Variants in MYH9 observed in about 807,000 individuals in gnomAD.
MYH9 encodes myosin heavy chain 9.
MYH9 carries 29 observed loss-of-function variants against 241.9 expected under a neutral mutation model. That is an observed-to-expected ratio of 0.12 (90% CI 0.09 to 0.16). The LOEUF (loss-of-function observed/expected upper bound fraction) is 0.16. Among genes scored for constraint, MYH9 ranks in the 10% least tolerant of loss-of-function variants. The pLI is 1.00. For synonymous variants in MYH9, 1,047 were observed against 1,062.6 expected (o/e 0.99, Z 0.29); for missense variants, 1,803 against 2,595.5 (o/e 0.69, Z 6.63).
intron 1 of MYH9, among the ~76,000 whole-genome samples, chr22:36,381,756 A>C (rs2146428161): frequency 6.6e-6 from 1 of 152,104 alleles, no homozygotes; most frequent in Admixed American, 6.5e-5. Context: ...ATATGGATTG[A>C]CCTCATTTTT....
In MYH9 at chr22:36,320,711, A is replaced by C; in HGVS notation, c.868+87T>G. On this transcript the variant is annotated intron_variant, in intron 8 of 40. Transcript: ENST00000216181. This position sits in a 1 kb window ranked among gnomAD's most constrained non-coding sequence, Gnocchi z 4.8. ...GTTAAACCCAAGGCCAAAAGTTTTC[A>C]TTTCCCAAATGATGTCTACGGTCCA... The C allele has an allele frequency of 8.2e-7, 1 of 1,215,034 alleles. No homozygotes were observed. The highest frequency in any genetic ancestry group is 1.3e-5 in the South Asian group (1 of 79,422). 75.3% of individuals were successfully genotyped at this position (1,215,034 alleles called of 1,614,324 possible).
intron 31 of MYH9, 43 bp downstream of exon 31, chr22:36,291,943 T>C: frequency 6.2e-7 from 1 of 1,613,402 alleles, no homozygotes; most frequent in East Asian, 2.2e-5. Flanking sequence ...ACTCAGTGCT[T>C]GAAGGAGAGG....
chr22:36,387,349 C>G (rs2018369941), intron 1 of MYH9, among the ~76,000 whole-genome samples: 1 of 152,250 alleles, frequency 6.6e-6, no homozygotes, highest in Non-Finnish European at 1.5e-5. Context: ...ACGCCAGAAA[C>G]TTCCACGGGA....
Position 36,297,084 on chromosome 22 carries a change from A to G in MYH9, c.3101-70T>C, listed in dbSNP as rs559029168. The G allele has an allele frequency of 2.1e-4, 329 of 1,548,460 alleles. 3 individuals are homozygous for G. In the East Asian group the frequency reaches 7.4e-3, roughly 35 times the overall value. On this transcript the variant is annotated intron_variant, in intron 24 of 40. Transcript: ENST00000216181. Reference sequence around the variant, plus strand: ...CTGTCTCCGTGTCAATTACTTATACAAAATACTGAGCACTCGTTATGAAAC... The same window carrying G: ...CTGTCTCCGTGTCAATTACTTATACGAAATACTGAGCACTCGTTATGAAAC...
rs532504163 is a variant in MYH9, at chr22:36,281,565, G to C, written c.*1103C>G. 5 of 229,304 alleles carry C rather than the reference G, an allele frequency of 2.2e-5. No individual in the cohort carries two copies. Among genetic ancestry groups the C allele is most frequent in the Non-Finnish European group, 4.3e-5 (5 of 115,468 alleles). The allele number at this position is 229,304 out of a possible 1,614,324, so 14.2% of individuals were successfully genotyped here. ...CAATGCAGCATATACAAAACAGTTA[G>C]GAATACAAGTAAATTCGGCAACCAG... On this transcript the variant is annotated 3_prime_UTR_variant, in exon 41 of 41. Coordinates refer to ENST00000216181, the MANE Select transcript of MYH9 (RefSeq NM_002473.6).
intron 1 of MYH9, among the ~76,000 whole-genome samples, chr22:36,356,030 G>A (rs1185808456): frequency 6.6e-6 from 1 of 152,194 alleles, no homozygotes; most frequent in African/African-American, 2.4e-5. Flanking sequence ...AGTCTGCCAG[G>A]AGTTGACCTA....
In MYH9 at chr22:36,306,654, G is replaced by T; in HGVS notation, c.1844-47C>A. On this transcript the variant is annotated intron_variant, in intron 15 of 40. Transcript: ENST00000216181. This position sits in a 1 kb window ranked among gnomAD's most constrained non-coding sequence, Gnocchi z 4.1. Reference sequence around the variant, plus strand: ...CGTGAGTGCCCACACAGTTGCAGCTGGGTGGTGGGGGAGCACGTAGGAGAG... The same window carrying T: ...CGTGAGTGCCCACACAGTTGCAGCTTGGTGGTGGGGGAGCACGTAGGAGAG... 1 of 1,574,838 alleles carries T rather than the reference G, an allele frequency of 6.3e-7. No individual in the cohort carries two copies. Among genetic ancestry groups the T allele is most frequent in the East Asian group, 2.3e-5 (1 of 43,948 alleles).
At chr22:36,361,235 G>T (rs2146406099) in intron 1 of MYH9, among the ~76,000 whole-genome samples, 1 of 152,334 alleles carries the variant, frequency 6.6e-6, no homozygotes, top group East Asian at 1.9e-4. Flanking sequence ...TCCATTAGCA[G>T]TATTCCAACC....
intron 2 of MYH9, among the ~76,000 whole-genome samples, chr22:36,345,007 G>C (rs904284390): frequency 1.3e-5 from 2 of 152,190 alleles, no homozygotes; most frequent in Admixed American, 1.3e-4. Context: ...GTGCTGGCTG[G>C]GTACTTTAGA....
chr22:36,352,542 G>A (rs546053116), intron 1 of MYH9, among the ~76,000 whole-genome samples: 54 of 152,320 alleles, frequency 3.5e-4, no homozygotes, highest in Non-Finnish European at 6.0e-4. Flanking sequence ...CTGGAAATCC[G>A]CTCTGGAGGG....
chr22:36,336,855 C>T (rs1036332424), intron 3 of MYH9, among the ~76,000 whole-genome samples: 11 of 152,252 alleles, frequency 7.2e-5, no homozygotes, highest in Non-Finnish European at 1.5e-4. Flanking sequence ...TGTCTATAAA[C>T]ATGCCTCGTC....
Position 36,289,376 on chromosome 22 carries a change from G to A in MYH9, c.4345-79C>T, listed in dbSNP as rs1424556848. The A allele has an allele frequency of 6.5e-6, 9 of 1,390,024 alleles. No individual in the cohort carries two copies. In the Middle Eastern group the frequency reaches 7.0e-4, roughly 109 times the overall value. 86.1% of individuals were successfully genotyped at this position (1,390,024 alleles called of 1,614,324 possible). On this transcript the variant is annotated intron_variant, in intron 31 of 40. Transcript: ENST00000216181. ...GGGCAGCTGGGCCTAAGCTCCCTGG[G>A]GAAGGAGGAGCCCAGAGGCCACGGT...
At chr22:36,317,460 G>C (rs1175322898) in intron 11 of MYH9, among the ~76,000 whole-genome samples, 1 of 152,180 alleles carries the variant, frequency 6.6e-6, no homozygotes, top group African/African-American at 2.4e-5. Context: ...GAAACGAACA[G>C]GTGGCAGGAA....
chr22:36,334,996 T>C (rs1413149731), intron 3 of MYH9, among the ~76,000 whole-genome samples: 1 of 152,130 alleles, frequency 6.6e-6, no homozygotes, highest in Non-Finnish European at 1.5e-5. Context: ...GTGGCACTAT[T>C]CCCAAGTCTA....
intron 34 of MYH9, 23 bp from the exon 35 acceptor site, chr22:36,286,869 G>A: frequency 6.2e-7 from 1 of 1,603,144 alleles, no homozygotes; most frequent in South Asian, 1.1e-5. Context: ...CAGAGGCTTG[G>A]CACCCCACCC....
At chr22:36,314,647 T>TG (rs1325748918) in intron 12 of MYH9, among the ~76,000 whole-genome samples, 1 of 151,774 alleles carries the variant, frequency 6.6e-6, no homozygotes, top group Non-Finnish European at 1.5e-5. Context: ...ATTGTTTTTT[T>TG]TTTTTATTTT....
chr22:36,322,123 G>A (rs972794304), intron 6 of MYH9, among the ~76,000 whole-genome samples: 3 of 152,206 alleles, frequency 2.0e-5, no homozygotes, highest in African/African-American at 4.8e-5. Flanking sequence ...TGCCTGACCC[G>A]GGAACTAACT....
intron 1 of MYH9, among the ~76,000 whole-genome samples, chr22:36,380,872 C>T (rs1207844034): frequency 6.6e-6 from 1 of 152,188 alleles, no homozygotes. Flanking sequence ...TTATGGAAAC[C>T]TTGCAAGAGG....
At chr22:36,292,321 T>C (rs1195532869) in intron 30 of MYH9, 87 bp from the exon 31 acceptor site, 2 of 1,566,016 alleles carry the variant, frequency 1.3e-6, no homozygotes, top group African/African-American at 1.3e-5. Context: ...GGAGCCTGCC[T>C]GCCACACCGT....
Sources: allele counts gnomAD v4.1 joint callset (sites outside exome capture counted in the v4.1 genomes callset), GRCh38; gene constraint gnomAD v4.1.1; non-coding constraint Gnocchi (gnomAD v3.1); transcripts MANE v1.5; gene names NCBI Gene and HGNC (gene_info 2026-07-23, HGNC 2026-07-21).